The following DIS3L2 variants were observed in gnomAD, a reference collection of about 807,000 sequenced individuals.
DIS3L2 encodes DIS3 like 3'-5' exoribonuclease 2, also known as DIS3-like exonuclease 2.
Under a neutral mutation model 97.5 loss-of-function variants are expected in DIS3L2, and 34 were observed. The observed-to-expected ratio is 0.35, with a 90% CI of 0.27 to 0.46. The LOEUF (loss-of-function observed/expected upper bound fraction) is 0.46. Among genes scored for constraint, DIS3L2 ranks in the 20% least tolerant of loss-of-function variants. DIS3L2 has a pLI of 1.00. For synonymous variants in DIS3L2, 435 were observed against 445.2 expected (o/e 0.98, Z 0.29); for missense variants, 1,038 against 1,146.0 (o/e 0.91, Z 1.36).
At chr2:232,112,406 T>A (rs1697564998) in intron 6 of DIS3L2, among the ~76,000 whole-genome samples, 1 of 152,180 alleles carries the variant, frequency 6.6e-6, no homozygotes, top group South Asian at 2.1e-4. Flanking sequence ...GAAAAGTGAA[T>A]ACAAAGTAAA....
chr2:231,997,064 A>G (rs937312377), intron 1 of DIS3L2, among the ~76,000 whole-genome samples: 18 of 152,138 alleles, frequency 1.2e-4, no homozygotes, highest in Admixed American at 9.8e-4. Context: ...GCGCCATGAG[A>G]GTAGGGACCT....
At chr2:232,074,056 C>T (rs984832637) in intron 5 of DIS3L2, among the ~76,000 whole-genome samples, 46 of 152,124 alleles carry the variant, frequency 3.0e-4, no homozygotes, top group Non-Finnish European at 7.3e-5. Flanking sequence ...AGTTGGGGAG[C>T]AGTTAACTTT....
rs142030118 is a variant in DIS3L2 at position 232,204,111 on chromosome 2, G to A, written c.1125-6215G>A. Among the ~76,000 whole-genome samples the A allele has an allele frequency of 1.1e-4, 17 of 152,270 alleles. No individual in the cohort carries two copies. In the South Asian group the frequency reaches 1.9e-3, roughly 17 times the overall value. On this transcript the variant is annotated intron_variant, in intron 9 of 20. Transcript: ENST00000325385. Reference sequence around the variant, plus strand: ...AGATGCTTAATCTGGCAGCATCTGCGACCTTGGGGAGAACAGTTTCTGTGA... The same window carrying A: ...AGATGCTTAATCTGGCAGCATCTGCAACCTTGGGGAGAACAGTTTCTGTGA...
intron 6 of DIS3L2, among the ~76,000 whole-genome samples, chr2:232,099,154 A>C (rs1358822024): frequency 6.6e-6 from 1 of 151,590 alleles, no homozygotes; most frequent in Admixed American, 6.6e-5. Flanking sequence ...CTTAATCCTG[A>C]TATGTCATTA....
At chr2:232,030,142 A>G (rs1433085823) in intron 5 of DIS3L2, 62 bp downstream of exon 5, 2 of 1,424,334 alleles carry the variant, frequency 1.4e-6, no homozygotes, top group African/African-American at 1.4e-5. Context: ...TCCATGGTGC[A>G]CCAACAAGGC....
chr2:232,076,702 A>G (rs1248359894), intron 5 of DIS3L2, among the ~76,000 whole-genome samples: 2 of 152,012 alleles, frequency 1.3e-5, no homozygotes, highest in Non-Finnish European at 2.9e-5. Context: ...TTCTTTTATT[A>G]TATCTTAGAA....
At chr2:232,132,741 C>T (rs898883974) in intron 7 of DIS3L2, among the ~76,000 whole-genome samples, 5 of 152,242 alleles carry the variant, frequency 3.3e-5, no homozygotes, top group South Asian at 2.1e-4. Flanking sequence ...CCTTCCTCAC[C>T]GGACCTGCAG....
chr2:232,212,403 C>A (rs1037237780), intron 10 of DIS3L2, among the ~76,000 whole-genome samples: 1 of 152,236 alleles, frequency 6.6e-6, no homozygotes, highest in Non-Finnish European at 1.5e-5. Flanking sequence ...GATACATCTA[C>A]TACCTGTTCC....
intron 10 of DIS3L2, among the ~76,000 whole-genome samples, chr2:232,227,487 G>T (rs1023770082): frequency 6.6e-6 from 1 of 152,206 alleles, no homozygotes; most frequent in Non-Finnish European, 1.5e-5. Flanking sequence ...TCAATATGCC[G>T]TTATTATGAG....
rs181489933 is a variant in DIS3L2, at chr2:232,106,533, T to G, written c.601+18812T>G. Among the ~76,000 whole-genome samples, 3 of 152,158 alleles carry G rather than the reference T, an allele frequency of 2.0e-5. No homozygotes were observed. In the East Asian group the frequency reaches 5.8e-4, roughly 29 times the overall value. On this transcript the variant is annotated intron_variant, in intron 6 of 20. Coordinates refer to ENST00000325385, the MANE Select transcript of DIS3L2 (RefSeq NM_152383.5). The stretch of plus-strand genomic sequence containing the variant: ...AGTTGCATTACATAATGGTAAAGGG[T>G]TCAATTCAACAAGGAGAGTTAAATG...
rs1424303492 is a variant in DIS3L2, at chr2:232,276,660, TCTC to T, written c.1659+13223_1659+13225del. Among the ~76,000 whole-genome samples, 1 of 152,174 alleles carries T rather than the reference TCTC, an allele frequency of 6.6e-6. No individual in the cohort carries two copies. The highest frequency in any genetic ancestry group is 1.5e-5 in the Non-Finnish European group (1 of 68,034). On this transcript the variant is annotated intron_variant, in intron 13 of 20. Transcript: ENST00000325385. This position sits in a 1 kb window ranked among gnomAD's most constrained non-coding sequence, Gnocchi z 4.4. ...CAGTCAATGACTGTTTATTTGAACA[TCTC>T]CTGCGCAACAAGAGAATGTAGTGAT... is the stretch of plus-strand genomic sequence containing the variant.
intron 6 of DIS3L2, among the ~76,000 whole-genome samples, chr2:232,123,335 A>C (rs2106343317): frequency 6.6e-6 from 1 of 152,292 alleles, no homozygotes; most frequent in Non-Finnish European, 1.5e-5. Context: ...TAAGATAATA[A>C]TACTTTCCTC....
At chr2:232,081,113 C>A (rs1218434166) in intron 5 of DIS3L2, among the ~76,000 whole-genome samples, 1 of 152,122 alleles carries the variant, frequency 6.6e-6, no homozygotes, top group African/African-American at 2.4e-5. Flanking sequence ...TGTTGTTTAA[C>A]ATGTTCCTGT....
At chr2:232,136,011 G>T (rs1022973910) in intron 7 of DIS3L2, among the ~76,000 whole-genome samples, 3 of 152,134 alleles carry the variant, frequency 2.0e-5, no homozygotes, top group African/African-American at 7.2e-5. Flanking sequence ...AAAGAAGGAA[G>T]ATCAAATATT....
At chr2:232,260,059 G>C (rs1693676285) in intron 12 of DIS3L2, 2 of 152,284 alleles carry the variant, frequency 1.3e-5, no homozygotes, top group South Asian at 4.1e-4. Flanking sequence ...ACCCTGGGAG[G>C]CTGCAGACCC....
chr2:232,187,999 G>A (rs952378396), intron 9 of DIS3L2, among the ~76,000 whole-genome samples: 17 of 152,140 alleles, frequency 1.1e-4, no homozygotes, highest in African/African-American at 4.1e-4. Flanking sequence ...AATTACCTGG[G>A]TCTGGTGGTG....
At chr2:232,160,526 C>A (rs1265223940) in intron 8 of DIS3L2, among the ~76,000 whole-genome samples, 1 of 152,082 alleles carries the variant, frequency 6.6e-6, no homozygotes, top group African/African-American at 2.4e-5. Context: ...GTTTTTCCCT[C>A]CTTGTTTTTC....
chr2:232,005,200 A>G (rs1356000429), intron 1 of DIS3L2, among the ~76,000 whole-genome samples: 2 of 130,840 alleles, frequency 1.5e-5, no homozygotes, highest in Non-Finnish European at 3.2e-5. Flanking sequence ...TTATTTCACT[A>G]GCACTTAGCT....
chr2:232,034,792 A>C (rs1359769558), intron 5 of DIS3L2, among the ~76,000 whole-genome samples: 5 of 152,212 alleles, frequency 3.3e-5, no homozygotes, highest in Non-Finnish European at 7.3e-5. Flanking sequence ...TGAGTTTATT[A>C]ATCCTGAATT....
Sources: gnomAD v4.1 joint callset for allele counts (sites outside exome capture counted in the v4.1 genomes callset) on GRCh38, gnomAD v4.1.1 for gene constraint, Gnocchi (gnomAD v3.1) non-coding constraint, MANE v1.5 for transcripts, NCBI Gene and HGNC (gene_info 2026-07-23, HGNC 2026-07-21) for gene names.